The following JMJD1C variants were observed in gnomAD, a reference collection of about 807,000 sequenced individuals.
JMJD1C encodes the protein jumonji domain containing 1C.
JMJD1C carries 31 observed loss-of-function variants against 245.3 expected under a neutral mutation model. The ratio of observed to expected loss-of-function variants is 0.13; its 90% CI spans 0.09 to 0.17. The LOEUF (loss-of-function observed/expected upper bound fraction) is 0.17, where lower values mean the gene tolerates loss of function less well. Ranked by LOEUF, JMJD1C falls within the 10% of genes least tolerant of loss-of-function variation. The pLI, the probability that JMJD1C is intolerant of heterozygous loss-of-function variation, is 1.00. For synonymous variants in JMJD1C, 1,057 were observed against 1,017.4 expected (o/e 1.04, Z -0.74); for missense variants, 2,691 against 3,000.2 (o/e 0.90, Z 2.41).
At chr10:63,374,379 C>G (rs959098234) in intron 2 of JMJD1C, among the ~76,000 whole-genome samples, 1 of 151,888 alleles carries the variant, frequency 6.6e-6, no homozygotes, top group Non-Finnish European at 1.5e-5. Context: ...TGTAAAACTC[C>G]TCCTGTTTTG....
At chr10:63,283,716 G>C (rs781579040) in intron 2 of JMJD1C, among the ~76,000 whole-genome samples, 1 of 152,042 alleles carries the variant, frequency 6.6e-6, no homozygotes, top group African/African-American at 2.4e-5. Flanking sequence ...GGAATTCTCA[G>C]AATCATTCTT....
chr10:63,512,107 A>G (rs1460396581), intron 1 of JMJD1C, among the ~76,000 whole-genome samples: 1 of 152,190 alleles, frequency 6.6e-6, no homozygotes, highest in Non-Finnish European at 1.5e-5. Context: ...CATTCATTTC[A>G]CTTATACCTA....
intron 2 of JMJD1C, among the ~76,000 whole-genome samples, chr10:63,338,640 A>ATTTTTTTTTT (rs34238197): frequency 9.5e-5 from 9 of 95,126 alleles, no homozygotes; most frequent in African/African-American, 2.5e-4. Flanking sequence ...TGCTCCTTAG[A>ATTTTTTTTTT]TTTTTTTTTT....
chr10:63,337,550 C>CAAGAAAAGAAAAGAAAAGAAAAGAA (rs200782668), intron 2 of JMJD1C, among the ~76,000 whole-genome samples: 4 of 55,048 alleles, frequency 7.3e-5, no homozygotes, highest in African/African-American at 8.2e-5. Flanking sequence ...GAGGAGAGGA[C>CAAGAAAAGAAAAGAAAAGAAAAGAA]AAGAAAAGAA....
chr10:63,296,024 T>TTTTTTTTTTC, intron 2 of JMJD1C, among the ~76,000 whole-genome samples: 1 of 122,592 alleles, frequency 8.2e-6, no homozygotes, highest in Non-Finnish European at 1.8e-5. Context: ...TTTTTTTTTT[T>TTTTTTTTTTC]TTCTTAGATG....
At chr10:63,514,746 C>A (rs929599385) in intron 1 of JMJD1C, among the ~76,000 whole-genome samples, 1 of 151,742 alleles carries the variant, frequency 6.6e-6, no homozygotes, top group African/African-American at 2.4e-5. Context: ...AGGTAACAGA[C>A]CACACACATG....
chr10:63,208,160 T>C lies in JMJD1C; in HGVS notation c.3509A>G (p.Gln1170Arg), dbSNP rs1338827685. ...VGKIPEHLPH[Q>R]IASHSVTTFR... ...GGTTGTTACTGAGTGAGATGCAATC[T>C]GATGTGGAAGATGTTCTGGTATCTT... Residue 1170 changes from glutamine (Q) to arginine (R), a missense_variant, in exon 10 of 26, where the codon CAG becomes CGG. Coordinates refer to ENST00000399262, the MANE Select transcript of JMJD1C (RefSeq NM_032776.3). The C allele has an allele frequency of 6.2e-7, 1 of 1,614,036 alleles. No homozygotes were observed. Among genetic ancestry groups the C allele is most frequent in the Non-Finnish European group, 8.5e-7 (1 of 1,180,020 alleles).
chr10:63,380,836 C>T (rs769097531), intron 1 of JMJD1C, among the ~76,000 whole-genome samples: 4 of 152,154 alleles, frequency 2.6e-5, no homozygotes, highest in South Asian at 2.1e-4. Flanking sequence ...TAAATTAGTA[C>T]CTCCAGTATG....
intron 2 of JMJD1C, among the ~76,000 whole-genome samples, chr10:63,357,826 GAC>G (rs35073293): frequency 0.048 from 6,792 of 140,450 alleles, 170 homozygotes; most frequent in South Asian, 0.06. Flanking sequence ...CAGACAGACA[GAC>G]ACACACACAC....
At chr10:63,422,417 T>TA (rs543389963) in intron 1 of JMJD1C, among the ~76,000 whole-genome samples, 11 of 151,900 alleles carry the variant, frequency 7.2e-5, no homozygotes, top group Non-Finnish European at 1.5e-4. Flanking sequence ...CATTTAAAAA[T>TA]AAAAAAAAGA....
chr10:63,381,318 C>A (rs952879548), intron 1 of JMJD1C, among the ~76,000 whole-genome samples: 1 of 152,030 alleles, frequency 6.6e-6, no homozygotes, highest in Non-Finnish European at 1.5e-5. Context: ...TCAGCCTTGG[C>A]AACATAGTGA....
intron 22 of JMJD1C, among the ~76,000 whole-genome samples, chr10:63,182,875 T>C (rs2132877520): frequency 7.0e-6 from 1 of 143,374 alleles, no homozygotes; most frequent in East Asian, 1.9e-4. Context: ...TTTTGGTTTT[T>C]TTTGAGATGG....
intron 1 of JMJD1C, among the ~76,000 whole-genome samples, chr10:63,389,771 G>C (rs1418890365): frequency 6.6e-6 from 1 of 152,074 alleles, no homozygotes; most frequent in Non-Finnish European, 1.5e-5. Flanking sequence ...CATGGAAAGT[G>C]AACAACATGC....
At chr10:63,408,999 A>AT (rs1326575280) in intron 1 of JMJD1C, among the ~76,000 whole-genome samples, 1 of 152,224 alleles carries the variant, frequency 6.6e-6, no homozygotes, top group Non-Finnish European at 1.5e-5. Flanking sequence ...AGTACATATC[A>AT]TTAATTCCAA....
intron 1 of JMJD1C, chr10:63,521,684 G>A: frequency 1.3e-6 from 1 of 792,312 alleles, no homozygotes. Context: ...GCGGGGACGG[G>A]GTAGCCCGGC....
At chr10:63,433,902 CA>C (rs34824418) in intron 1 of JMJD1C, among the ~76,000 whole-genome samples, 6,358 of 127,358 alleles carry the variant, frequency 0.05, 174 homozygotes, top group Non-Finnish European at 0.075. Context: ...AATTGAGTTC[CA>C]AAAAAAAAAA....
intron 2 of JMJD1C, among the ~76,000 whole-genome samples, chr10:63,288,608 G>A (rs985398248): frequency 2.0e-5 from 3 of 152,008 alleles, no homozygotes; most frequent in African/African-American, 7.2e-5. Context: ...TTTAAGAATT[G>A]GTATATTTCA....
intron 1 of JMJD1C, among the ~76,000 whole-genome samples, chr10:63,456,249 T>C (rs1952405087): frequency 6.6e-6 from 1 of 152,030 alleles, no homozygotes; most frequent in African/African-American, 2.4e-5. Context: ...CGCTCTAAAA[T>C]AGGCTCTACA....
intron 2 of JMJD1C, among the ~76,000 whole-genome samples, chr10:63,347,839 A>AG (rs1259174400): frequency 6.6e-6 from 1 of 151,994 alleles, no homozygotes; most frequent in Non-Finnish European, 1.5e-5. Flanking sequence ...TCTTCAACCC[A>AG]GGGGGTGGAA....
Sources: gnomAD v4.1 joint callset for allele counts (sites outside exome capture counted in the v4.1 genomes callset) on GRCh38, gnomAD v4.1.1 for gene constraint, MANE v1.5 for transcripts, NCBI Gene and HGNC (gene_info 2026-07-23, HGNC 2026-07-21) for gene names.